The following TMTC2 variants were observed in gnomAD, a reference collection of about 807,000 sequenced individuals.
TMTC2 encodes the protein transmembrane O-mannosyltransferase targeting cadherins 2.
In TMTC2, 43 loss-of-function variants were observed where a neutral mutation model predicts 82.4. The ratio of observed to expected loss-of-function variants is 0.52; its 90% CI spans 0.41 to 0.67. The LOEUF (loss-of-function observed/expected upper bound fraction) is 0.67. TMTC2 is among the 30% of genes least tolerant of loss of function. TMTC2 has a pLI of 0.00. For synonymous variants in TMTC2, 408 were observed against 381.9 expected (o/e 1.07, Z -0.80); for missense variants, 919 against 1,012.4 (o/e 0.91, Z 1.25).
intron 11 of TMTC2, among the ~76,000 whole-genome samples, chr12:83,076,063 G>C (rs1883275265): frequency 6.6e-6 from 1 of 152,190 alleles, no homozygotes; most frequent in African/African-American, 2.4e-5. Flanking sequence ...ACTAACTGTT[G>C]GCGTGGGCAA....
intron 2 of TMTC2, among the ~76,000 whole-genome samples, chr12:82,862,208 C>G (rs1437020027): frequency 6.6e-6 from 1 of 152,186 alleles, no homozygotes. Context: ...AGACTTTTAT[C>G]TGCCCACAAA....
At chr12:82,732,629 C>G (rs1874885816) in intron 1 of TMTC2, among the ~76,000 whole-genome samples, 2 of 152,186 alleles carry the variant, frequency 1.3e-5, no homozygotes, top group Non-Finnish European at 2.9e-5. Flanking sequence ...AGGCATGAGC[C>G]ACCGCACACA....
At chr12:82,925,989 T>G (rs954761375) in intron 3 of TMTC2, among the ~76,000 whole-genome samples, 6 of 66,934 alleles carry the variant, frequency 9.0e-5, no homozygotes, top group East Asian at 5.3e-4. Context: ...GTTTTTTTTT[T>G]TTGTTTTTTT....
At chr12:82,711,215 A>G (rs1316230064) in intron 1 of TMTC2, among the ~76,000 whole-genome samples, 3 of 152,234 alleles carry the variant, frequency 2.0e-5, no homozygotes, top group Non-Finnish European at 2.9e-5. Flanking sequence ...TTGGAAGCGT[A>G]GTAAGGTCAG....
At chr12:82,714,343 G>A (rs141884565) in intron 1 of TMTC2, among the ~76,000 whole-genome samples, 3 of 152,250 alleles carry the variant, frequency 2.0e-5, no homozygotes, top group Admixed American at 1.3e-4. Context: ...AAAGTAAAAG[G>A]ATTTCAAATT....
chr12:82,820,169 G>T (rs560288646), intron 1 of TMTC2, among the ~76,000 whole-genome samples: 37 of 152,184 alleles, frequency 2.4e-4, no homozygotes, highest in African/African-American at 8.7e-4. Context: ...TTCTGGCTGT[G>T]CTGGCAGCTG....
intron 2 of TMTC2, among the ~76,000 whole-genome samples, chr12:82,894,214 A>T (rs558896327): frequency 9.2e-5 from 14 of 152,192 alleles, no homozygotes; most frequent in Middle Eastern, 3.2e-3. Context: ...ATAATTGCCT[A>T]TGGAGGTGAG....
intron 1 of TMTC2, among the ~76,000 whole-genome samples, chr12:82,765,717 A>AC (rs1035239261): frequency 6.6e-6 from 1 of 151,914 alleles, no homozygotes. Context: ...AAACAAACAA[A>AC]AAAAAACAAA....
intron 2 of TMTC2, among the ~76,000 whole-genome samples, chr12:82,870,176 T>C (rs934406077): frequency 6.6e-6 from 1 of 152,154 alleles, no homozygotes; most frequent in African/African-American, 2.4e-5. Context: ...ATTCCAAGCT[T>C]CCTCGTGAAA....
chr12:82,857,307 C>A lies in TMTC2; in HGVS notation c.381C>A (p.Pro127=), dbSNP rs760800302. The change falls in exon 2 of 12, where the codon CCC becomes CCA. Residue 127 remains proline, a synonymous_variant. Transcript: ENST00000321196. The stretch of plus-strand genomic sequence containing the variant: ...CTGGCTTGATGTTTGCTTCTCACCC[C>A]ATTCACACGGAGGCAGTGGCAGGAA... The part of the protein sequence containing the change: ...FMAGLMFASH[P]IHTEAVAGIV... 1 of 1,614,190 alleles carries A rather than the reference C, an allele frequency of 6.2e-7. No individual in the cohort carries two copies. Among genetic ancestry groups the A allele is most frequent in the Non-Finnish European group, 8.5e-7 (1 of 1,180,032 alleles).
intron 6 of TMTC2, among the ~76,000 whole-genome samples, chr12:82,966,256 T>C (rs891504230): frequency 5.3e-5 from 8 of 152,166 alleles, no homozygotes; most frequent in African/African-American, 1.9e-4. Flanking sequence ...ATTTCTTAAC[T>C]GAGGGAAAAG....
chr12:82,861,851 A>G (rs1423981608), intron 2 of TMTC2, among the ~76,000 whole-genome samples: 1 of 152,210 alleles, frequency 6.6e-6, no homozygotes, highest in Admixed American at 6.5e-5. Context: ...TTAGTTTAAT[A>G]TATTTCTTAC....
At chr12:83,077,901 T>TTTTTC (rs1565879959) in intron 11 of TMTC2, among the ~76,000 whole-genome samples, 11 of 141,188 alleles carry the variant, frequency 7.8e-5, no homozygotes, top group Non-Finnish European at 6.2e-5. Flanking sequence ...TTTTTTTTTT[T>TTTTTC]TTTTAACAGG....
At chr12:83,115,469 T>C (rs749218112) in intron 11 of TMTC2, among the ~76,000 whole-genome samples, 2 of 152,184 alleles carry the variant, frequency 1.3e-5, no homozygotes, top group Non-Finnish European at 2.9e-5. Flanking sequence ...TTATCCTTTT[T>C]GTATTCTGTA....
At chr12:82,764,267 A>G (rs958807158) in intron 1 of TMTC2, among the ~76,000 whole-genome samples, 5 of 152,106 alleles carry the variant, frequency 3.3e-5, no homozygotes, top group African/African-American at 1.2e-4. Context: ...CCTCTAGAGT[A>G]GCTGAGATTA....
intron 1 of TMTC2, among the ~76,000 whole-genome samples, chr12:82,830,087 A>C (rs1869666276): frequency 6.6e-6 from 1 of 152,188 alleles, no homozygotes; most frequent in Admixed American, 6.5e-5. Context: ...TAAAGAATGG[A>C]ATTACAAGAT....
chr12:82,882,450 C>A (rs900411903), intron 2 of TMTC2, among the ~76,000 whole-genome samples: 4 of 152,050 alleles, frequency 2.6e-5, no homozygotes, highest in African/African-American at 9.7e-5. Context: ...TTCTACTAAC[C>A]ATAACTCGAT....
At chr12:82,867,354 G>A (rs1285228407) in intron 2 of TMTC2, among the ~76,000 whole-genome samples, 1 of 152,116 alleles carries the variant, frequency 6.6e-6, no homozygotes, top group African/African-American at 2.4e-5. Context: ...ATTTCTCTTT[G>A]TTGTGATGGG....
At chr12:83,071,315 C>T (rs144525351) in intron 11 of TMTC2, among the ~76,000 whole-genome samples, 54 of 152,092 alleles carry the variant, frequency 3.6e-4, no homozygotes, top group Middle Eastern at 3.4e-3. Context: ...CTACCATGCC[C>T]GGCTAATTTT....
Sources: gnomAD v4.1 joint callset for allele counts (sites outside exome capture counted in the v4.1 genomes callset) on GRCh38, gnomAD v4.1.1 for gene constraint, MANE v1.5 for transcripts, NCBI Gene and HGNC (gene_info 2026-07-23, HGNC 2026-07-21) for gene names.